The following TTC6 variants were observed in gnomAD, a reference collection of about 807,000 sequenced individuals.
TTC6 encodes the protein tetratricopeptide repeat domain 6, also known as tetratricopeptide repeat protein 6.
Under a neutral mutation model 210.4 loss-of-function variants are expected in TTC6, and 172 were observed. The ratio of observed to expected loss-of-function variants is 0.82; its 90% CI spans 0.72 to 0.93. The LOEUF is 0.93. Ranked by LOEUF, TTC6 falls within the 40% of genes least tolerant of loss-of-function variation. The probability of loss-of-function intolerance (pLI) is 0.00; values close to 1 mark genes in which losing one functional copy is unlikely to be tolerated. For synonymous variants in TTC6, 804 were observed against 819.6 expected (o/e 0.98, Z 0.32); for missense variants, 2,414 against 2,318.1 (o/e 1.04, Z -0.85).
intron 1 of TTC6, among the ~76,000 whole-genome samples, chr14:37,634,018 C>G (rs1011336985): frequency 3.9e-5 from 6 of 152,150 alleles, no homozygotes; most frequent in African/African-American, 1.4e-4. Flanking sequence ...AAAGTAATAT[C>G]CAGACTCTCA....
chr14:37,832,808 C>G (rs901041558), intron 29 of TTC6, among the ~76,000 whole-genome samples: 1 of 151,866 alleles, frequency 6.6e-6, no homozygotes. Context: ...GCCTATAATC[C>G]CAGCACTTTG....
upstream of TTC6, among the ~76,000 whole-genome samples, chr14:37,618,674 T>G (rs1027715876): frequency 6.6e-6 from 1 of 152,222 alleles, no homozygotes; most frequent in Non-Finnish European, 1.5e-5. Context: ...GACTGGCCCA[T>G]GAAGCACTGG....
rs190840295 is a variant in TTC6, at chr14:37,790,838, G to A, written c.3557+1G>A. Reference sequence around the variant, plus strand: ...TTGAAACTGTCATTTCTCTAGAAAGGTATGTTTTCCTTTTCATATTTATTG... The same window carrying A: ...TTGAAACTGTCATTTCTCTAGAAAGATATGTTTTCCTTTTCATATTTATTG... On this transcript the variant is annotated splice_donor_variant, in intron 16 of 30. Transcript: ENST00000553443. LOFTEE classifies it high-confidence loss of function. 3.6e-4 allele frequency: 553 copies of A among 1,522,818 alleles called. 1 individual carries two copies. The highest frequency in any genetic ancestry group is 5.1e-4 in the Middle Eastern group (3 of 5,910). The allele number at this position is 1,522,818 out of a possible 1,614,324, so 94.3% of individuals were successfully genotyped here. A position where few individuals can be genotyped will look rare whatever the true frequency, so the allele number is the denominator to read the frequency against.
Position 37,677,016 on chromosome 14 carries a change from T to G in TTC6, c.940-3135T>G, listed in dbSNP as rs534418488. Reference sequence around the variant, plus strand: ...TGTGAGTCCTCCAGCTTTGTTTTTCTTTTTCAAGATTGTTTTGCCTATTCA... The same window carrying G: ...TGTGAGTCCTCCAGCTTTGTTTTTCGTTTTCAAGATTGTTTTGCCTATTCA... On this transcript the variant is annotated intron_variant, in intron 1 of 30. Coordinates refer to ENST00000553443, the Ensembl canonical transcript of TTC6. Among the ~76,000 whole-genome samples, 136 of 152,168 alleles carry G rather than the reference T, an allele frequency of 8.9e-4. 1 individual carries two copies. Among genetic ancestry groups the G allele is most frequent in the African/African-American group, 3.2e-3 (132 of 41,548 alleles).
At chr14:37,709,246 G>A (rs2095840573) in intron 5 of TTC6, among the ~76,000 whole-genome samples, 1 of 152,032 alleles carries the variant, frequency 6.6e-6, no homozygotes, top group Non-Finnish European at 1.5e-5. Context: ...GAAGTACATT[G>A]AACAGAGTTG....
chr14:37,606,497 C>T (rs1353499407), intron 1 of TTC6, among the ~76,000 whole-genome samples, 166 bp from the exon 2 acceptor site: 2 of 152,158 alleles, frequency 1.3e-5, no homozygotes, highest in Non-Finnish European at 2.9e-5. Flanking sequence ...ATCAGCAGCT[C>T]CTCTTCCACA....
intron 7 of TTC6, among the ~76,000 whole-genome samples, chr14:37,732,434 T>C (rs577460289): frequency 2.1e-4 from 31 of 151,184 alleles, no homozygotes; most frequent in Middle Eastern, 3.4e-3. Context: ...CTGCCCGCCT[T>C]GGCCTCCCAA....
In TTC6 at chr14:37,746,691, G is replaced by A. The variant is rs532490492; in HGVS notation, c.2364-2248G>A. ...GAGGCTGAGGGACTGTAATGGCTGT[G>A]GCTCCATGAGAGGGTTTGGGAGTCA... On this transcript the variant is annotated intron_variant, in intron 10 of 30. Coordinates refer to ENST00000553443, the Ensembl canonical transcript of TTC6. 1.5e-4 allele frequency among the ~76,000 whole-genome samples: 23 copies of A among 152,260 alleles called. No individual in the cohort carries two copies. In the South Asian group the frequency reaches 4.6e-3, roughly 30 times the overall value.
intron 6 of TTC6, among the ~76,000 whole-genome samples, chr14:37,716,418 C>T (rs952306668): frequency 3.3e-5 from 5 of 151,784 alleles, no homozygotes; most frequent in Admixed American, 6.6e-5. Context: ...AAACACATGA[C>T]CCAGATATAT....
chr14:37,741,260 G>A (rs1157544218), intron 10 of TTC6, among the ~76,000 whole-genome samples: 2 of 136,920 alleles, frequency 1.5e-5, no homozygotes, highest in African/African-American at 5.7e-5. Flanking sequence ...TATACTTTGA[G>A]ACTTTTTTCC....
At position 37,606,683 on chromosome 14, in the gene TTC6, CA is replaced by C; in HGVS notation, c.-213del. 7 of 979,994 alleles carry C rather than the reference CA, an allele frequency of 7.1e-6. No individual in the cohort carries two copies. The highest frequency in any genetic ancestry group is 8.5e-6 in the Non-Finnish European group (7 of 825,168). 60.7% of individuals were successfully genotyped at this position (979,994 alleles called of 1,614,324 possible). On this transcript the variant is annotated 5_prime_UTR_variant, in exon 2 of 3. An upstream open reading frame in the 5' UTR gains an earlier in-frame stop. Coordinates refer to the TTC6 transcript ENST00000556845. ...CCTAGGAAAACCCTTTCCTGTATGCCATCTGTTTTCTGTGGGGCCCTGAGTG... is the reference window on the plus strand; with the variant it reads ...CCTAGGAAAACCCTTTCCTGTATGCCTCTGTTTTCTGTGGGGCCCTGAGTG...
exon 2 of TTC6, chr14:37,606,694 T>G (rs1373460982): frequency 2.0e-6 from 2 of 984,854 alleles, no homozygotes; most frequent in African/African-American, 3.5e-5. Flanking sequence ...ATCTGTTTTC[T>G]GTGGGGCCCT....
At chr14:37,720,829 G>A (rs1234457885) in intron 6 of TTC6, among the ~76,000 whole-genome samples, 3 of 152,050 alleles carry the variant, frequency 2.0e-5, no homozygotes, top group Admixed American at 2.0e-4. Context: ...AGGTTTTCAG[G>A]ATGGGGGTTA....
chr14:37,841,508 C>A, exon 30 of TTC6: 2 of 1,597,468 alleles, frequency 1.3e-6, no homozygotes, highest in African/African-American at 1.4e-5. Flanking sequence ...TCTCATGAAT[C>A]GAGCTATTAC....
In TTC6 at chr14:37,675,384, A is replaced by G. The variant is rs554540755; in HGVS notation, c.940-4767A>G. Among the ~76,000 whole-genome samples, 15 of 152,228 alleles carry G rather than the reference A, an allele frequency of 9.9e-5. No individual in the cohort carries two copies. In the East Asian group the frequency reaches 2.7e-3, roughly 27 times the overall value. On this transcript the variant is annotated intron_variant, in intron 1 of 30. Coordinates refer to ENST00000553443, the Ensembl canonical transcript of TTC6. ...GTAATGTTTTCAAGATTCATCCAAC[A>G]TCGTGGCATACATCAGTACTTCATT...
At chr14:37,694,860 G>A (rs1473006081) in intron 3 of TTC6, among the ~76,000 whole-genome samples, 2 of 151,768 alleles carry the variant, frequency 1.3e-5, no homozygotes. Context: ...TGGAAAACAT[G>A]GCAAAACTCC....
chr14:37,660,622 T>C (rs1426598738), intron 1 of TTC6, among the ~76,000 whole-genome samples: 1 of 152,234 alleles, frequency 6.6e-6, no homozygotes, highest in African/African-American at 2.4e-5. Flanking sequence ...TCCATGTCTT[T>C]GCTATTGTGG....
intron 1 of TTC6, among the ~76,000 whole-genome samples, chr14:37,660,697 G>T (rs186144894): frequency 1.1e-4 from 17 of 152,246 alleles, no homozygotes; most frequent in Admixed American, 5.2e-4. Context: ...ATTGCTTTGG[G>T]TATATACCTC....
intron 1 of TTC6, among the ~76,000 whole-genome samples, chr14:37,651,386 G>GA (rs2095710826): frequency 3.1e-5 from 1 of 32,708 alleles, no homozygotes; most frequent in East Asian, 1.2e-3. Context: ...CACTGTTTAT[G>GA]TTATATATAT....
Sources: gnomAD v4.1 joint callset for allele counts (sites outside exome capture counted in the v4.1 genomes callset) on GRCh38, gnomAD v4.1.1 for gene constraint, MANE v1.5 for transcripts, NCBI Gene and HGNC (gene_info 2026-07-23, HGNC 2026-07-21) for gene names.